SENP2: variants seen among roughly 807,000 people sequenced by gnomAD.
The protein encoded by SENP2 is SUMO specific peptidase 2, also known as sentrin-specific protease 2.
Under a neutral mutation model 86.3 loss-of-function variants are expected in SENP2, and 16 were observed. The observed-to-expected ratio is 0.19, with a 90% CI of 0.13 to 0.28. SENP2 has a LOEUF of 0.28. Ranked by LOEUF, SENP2 falls within the 10% of genes least tolerant of loss-of-function variation. The pLI is 1.00. For synonymous variants in SENP2, 222 were observed against 238.7 expected (o/e 0.93, Z 0.64); for missense variants, 552 against 703.0 (o/e 0.79, Z 2.43).
At position 185,590,966 on chromosome 3, in the gene SENP2, G is replaced by A. The variant is rs1415134898; in HGVS notation, c.157+797G>A. On this transcript the variant is annotated intron_variant, in intron 2 of 16. Coordinates refer to ENST00000296257, the MANE Select transcript of SENP2 (RefSeq NM_021627.3). The stretch of plus-strand genomic sequence containing the variant: ...CTGTCGCAGGCTGGAGTGCAGTGGC[G>A]CAATCTCGGCTCACTGCAAGCTCTG... Among the ~76,000 whole-genome samples the A allele has an allele frequency of 5.6e-5, 7 of 125,350 alleles. No individual in the cohort carries two copies. In the East Asian group the frequency reaches 1.3e-3, roughly 24 times the overall value. The allele number at this position is 125,350 out of a possible 152,430, so 82.2% of individuals were successfully genotyped here. A position where few individuals can be genotyped will look rare whatever the true frequency, so the allele number is the denominator to read the frequency against.
At position 185,624,063 on chromosome 3, in the gene SENP2, A is replaced by G. The variant is rs1337897792; in HGVS notation, c.1592A>G (p.His531Arg). The G allele has an allele frequency of 2.5e-6, 4 of 1,612,054 alleles. No individual in the cohort carries two copies. The highest frequency in any genetic ancestry group is 2.5e-6 in the Non-Finnish European group (3 of 1,178,780). ...NSDLNLLEWT[H>R]HSMKPHEIPQ... ...GATCTGAATCTTTTAGAGTGGACCC[A>G]TCACAGCATGAAACCACACGTGAGT... is the stretch of plus-strand genomic sequence containing the variant. The change falls in exon 15 of 17, where the codon CAT becomes CGT. Residue 531 changes from histidine to arginine, a missense_variant. This residue lies in a region of SENP2 where 169 missense variants were observed against 275.7 expected (regional missense o/e 0.61). Transcript: ENST00000296257.
intron 4 of SENP2, among the ~76,000 whole-genome samples, chr3:185,599,298 A>G (rs900998124): frequency 6.6e-6 from 1 of 152,210 alleles, no homozygotes; most frequent in Non-Finnish European, 1.5e-5. Context: ...AAGCAAAAAC[A>G]TTTCCTGAGA....
At chr3:185,614,903 T>G (rs1374129483) in intron 11 of SENP2, among the ~76,000 whole-genome samples, 163 bp downstream of exon 11, 1 of 152,196 alleles carries the variant, frequency 6.6e-6, no homozygotes, top group Non-Finnish European at 1.5e-5. Flanking sequence ...ACATTGATCT[T>G]TAGTGAGGCA....
chr3:185,623,911 G>A, intron 14 of SENP2, 87 bp from the exon 15 acceptor site: 1 of 608,582 alleles, frequency 1.6e-6, no homozygotes, highest in African/African-American at 1.9e-5. Context: ...TGGCATATCT[G>A]TTTAACATCA....
At chr3:185,590,898 C>T (rs1289415825) in intron 2 of SENP2, among the ~76,000 whole-genome samples, 8 of 116,564 alleles carry the variant, frequency 6.9e-5, no homozygotes, top group South Asian at 3.2e-4. Flanking sequence ...AAAAGAAAGT[C>T]TCCTTTTTTT....
chr3:185,594,726 T>C (rs540801610), intron 2 of SENP2, among the ~76,000 whole-genome samples: 1 of 151,968 alleles, frequency 6.6e-6, no homozygotes, highest in African/African-American at 2.4e-5. Context: ...TTCAAGCGAT[T>C]CTCCTGCCTC....
At chr3:185,601,982 T>A (rs996957802) in intron 5 of SENP2, among the ~76,000 whole-genome samples, 3 of 152,060 alleles carry the variant, frequency 2.0e-5, no homozygotes, top group African/African-American at 7.2e-5. Context: ...CTTTTTTGAC[T>A]GTCAGTTTTT....
At chr3:185,626,466 C>A in intron 16 of SENP2, 73 bp downstream of exon 16, 1 of 1,002,150 alleles carries the variant, frequency 1.0e-6, no homozygotes, top group Non-Finnish European at 1.6e-6. Context: ...GCCTGGCACA[C>A]ATTCAGCTCT....
chr3:185,611,397 T>A, intron 7 of SENP2: 1 of 353,478 alleles, frequency 2.8e-6, no homozygotes, highest in East Asian at 4.8e-5. Context: ...AGTTAGTGCA[T>A]CACTGGGGAT....
At chr3:185,613,233 A>G (rs1202319096) in intron 9 of SENP2, 112 bp from the exon 10 acceptor site, 3 of 714,732 alleles carry the variant, frequency 4.2e-6, no homozygotes, top group Non-Finnish European at 4.8e-6. Context: ...AGTATTATGT[A>G]AACTCAACAC....
At chr3:185,602,832 TAAAAAAAAAAAA>T (rs1156317272) in intron 5 of SENP2, among the ~76,000 whole-genome samples, 1 of 63,042 alleles carries the variant, frequency 1.6e-5, no homozygotes, top group African/African-American at 6.8e-5. Context: ...GACTCTGTCT[TAAAAAAAAAAAA>T]AAAAAAAAAA....
intron 11 of SENP2, among the ~76,000 whole-genome samples, chr3:185,616,288 T>G (rs1422727340): frequency 7.2e-6 from 1 of 138,840 alleles, no homozygotes; most frequent in Non-Finnish European, 1.6e-5. Flanking sequence ...CTGGCCAGCA[T>G]GGTGAAACCC....
intron 7 of SENP2, 142 bp downstream of exon 7, chr3:185,609,492 C>T: frequency 3.3e-6 from 2 of 600,328 alleles, no homozygotes; most frequent in South Asian, 2.4e-5. Flanking sequence ...GGATATTTAT[C>T]TAGTAATGGA....
chr3:185,627,083 C>CA (rs34406883), intron 16 of SENP2, among the ~76,000 whole-genome samples: 3,443 of 75,190 alleles, frequency 0.046, 164 homozygotes, highest in African/African-American at 0.11. Context: ...AACCCTGTCT[C>CA]AAAAAAAAAA....
intron 7 of SENP2, among the ~76,000 whole-genome samples, chr3:185,610,264 G>A (rs1722644874): frequency 1.3e-5 from 2 of 149,516 alleles, no homozygotes; most frequent in Non-Finnish European, 3.0e-5. Context: ...GGGTTCAAGC[G>A]ATTATCCTGC....
At chr3:185,591,557 T>A (rs1201187970) in intron 2 of SENP2, among the ~76,000 whole-genome samples, 4 of 151,858 alleles carry the variant, frequency 2.6e-5, no homozygotes, top group African/African-American at 9.7e-5. Flanking sequence ...TTCACCATGT[T>A]AGCCAGGATA....
chr3:185,586,585 T>G lies in SENP2; in HGVS notation c.101+71T>G. 1.4e-6 allele frequency: 2 copies of G among 1,426,576 alleles called. No individual in the cohort carries two copies. The highest frequency in any genetic ancestry group is 9.8e-7 in the Non-Finnish European group (1 of 1,023,434). 88.4% of individuals were successfully genotyped at this position (1,426,576 alleles called of 1,614,324 possible). On this transcript the variant is annotated intron_variant, in intron 1 of 16. Coordinates refer to ENST00000296257, the MANE Select transcript of SENP2 (RefSeq NM_021627.3). The surrounding 1 kb of genome is among the most constrained non-coding windows in gnomAD (Gnocchi z 4.3). ...CCCACAGCGGGCTCCTCGGCCGTGA[T>G]AGCTTTGATTCAGCCAGGCTCACCC...
At chr3:185,622,857 T>C (rs973392794) in intron 14 of SENP2, among the ~76,000 whole-genome samples, 2 of 148,064 alleles carry the variant, frequency 1.4e-5, no homozygotes, top group African/African-American at 5.0e-5. Flanking sequence ...GGAGTCTCAT[T>C]GTGTCACCCC....
intron 13 of SENP2, among the ~76,000 whole-genome samples, chr3:185,619,822 G>C (rs1711775061): frequency 6.6e-6 from 1 of 152,044 alleles, no homozygotes; most frequent in Non-Finnish European, 1.5e-5. Context: ...GGAAGTCCTG[G>C]ACTCAGGTGA....
Sources: gnomAD v4.1 joint callset for allele counts (sites outside exome capture counted in the v4.1 genomes callset) on GRCh38, gnomAD v4.1.1 for gene constraint, gnomAD v4.1.1 regional missense constraint, Gnocchi (gnomAD v3.1) non-coding constraint, MANE v1.5 for transcripts, NCBI Gene and HGNC (gene_info 2026-07-23, HGNC 2026-07-21) for gene names.